The following NAV3 variants were observed in gnomAD, a reference collection of about 807,000 sequenced individuals.
NAV3 encodes neuron navigator 3, also known as pore membrane and/or filament interacting like protein 1.
NAV3 carries 87 observed loss-of-function variants against 244.7 expected under a neutral mutation model. The ratio of observed to expected loss-of-function variants is 0.36; its 90% CI spans 0.30 to 0.42. The LOEUF (loss-of-function observed/expected upper bound fraction) is 0.42. Ranked by LOEUF, NAV3 falls within the 20% of genes least tolerant of loss-of-function variation. NAV3 has a pLI of 1.00. For synonymous variants in NAV3, 1,126 were observed against 1,042.2 expected (o/e 1.08, Z -1.55); for missense variants, 2,663 against 2,893.3 (o/e 0.92, Z 1.83).
At chr12:77,925,251 G>T (rs1888080167) in intron 1 of NAV3, among the ~76,000 whole-genome samples, 2 of 152,048 alleles carry the variant, frequency 1.3e-5, no homozygotes, top group Admixed American at 1.3e-4. Context: ...CATAGGAATA[G>T]GTTTATAAGA....
At chr12:77,959,657 C>A (rs1476050176) in intron 3 of NAV3, among the ~76,000 whole-genome samples, 1 of 151,236 alleles carries the variant, frequency 6.6e-6, no homozygotes, top group African/African-American at 2.4e-5. Context: ...TATTATGGGC[C>A]CCACCATCAT....
chr12:77,929,786 C>A (rs1888593164), intron 1 of NAV3, among the ~76,000 whole-genome samples: 1 of 148,514 alleles, frequency 6.7e-6, no homozygotes, highest in Non-Finnish European at 1.5e-5. Flanking sequence ...GCACCCGCCA[C>A]CACGGCCAGC....
intron 2 of NAV3, among the ~76,000 whole-genome samples, chr12:77,587,231 A>G (rs545064496): frequency 3.9e-5 from 6 of 152,280 alleles, no homozygotes; most frequent in Non-Finnish European, 5.9e-5. Context: ...GCTTTCCATG[A>G]TCTCATGGGG....
intron 2 of NAV3, among the ~76,000 whole-genome samples, chr12:77,626,316 C>T (rs560164678): frequency 1.3e-5 from 2 of 151,582 alleles, no homozygotes; most frequent in African/African-American, 4.8e-5. Context: ...GCCTATGGGA[C>T]ACCATAAAGT....
chr12:77,838,485 A>G (rs1875050122), intron 1 of NAV3, among the ~76,000 whole-genome samples: 1 of 151,938 alleles, frequency 6.6e-6, no homozygotes, highest in African/African-American at 2.4e-5. Context: ...ATTTCATACA[A>G]CTTTTTAATT....
At chr12:77,965,258 ATTTT>A (rs1240979201) in intron 3 of NAV3, among the ~76,000 whole-genome samples, 4 of 152,042 alleles carry the variant, frequency 2.6e-5, no homozygotes, top group Admixed American at 2.6e-4. Context: ...TCAAATTTTT[ATTTT>A]TTTATTTTTT....
At chr12:78,184,427 G>T (rs1454853451) in intron 30 of NAV3, among the ~76,000 whole-genome samples, 3 of 151,738 alleles carry the variant, frequency 2.0e-5, no homozygotes, top group Non-Finnish European at 4.4e-5. Flanking sequence ...TAGGTGAAAA[G>T]GTGAAAGACT....
intron 5 of NAV3, among the ~76,000 whole-genome samples, chr12:77,976,204 A>G (rs1868356177): frequency 6.6e-6 from 1 of 152,224 alleles, no homozygotes; most frequent in South Asian, 2.1e-4. Context: ...TTTGAAATAT[A>G]TATGAGATAT....
At chr12:77,778,906 A>G (rs1235973297) in intron 2 of NAV3, among the ~76,000 whole-genome samples, 1 of 152,234 alleles carries the variant, frequency 6.6e-6, no homozygotes, top group African/African-American at 2.4e-5. Context: ...GATTATTGAG[A>G]TTGAATGTCT....
intron 1 of NAV3, among the ~76,000 whole-genome samples, chr12:77,832,320 G>A (rs1192925678): frequency 6.6e-6 from 1 of 151,990 alleles, no homozygotes; most frequent in Non-Finnish European, 1.5e-5. Context: ...ATGATATTTT[G>A]TGAGTAGTTG....
intron 11 of NAV3, among the ~76,000 whole-genome samples, chr12:78,055,542 T>A (rs1343589595): frequency 6.6e-6 from 1 of 152,208 alleles, no homozygotes; most frequent in African/African-American, 2.4e-5. Flanking sequence ...AAACCCTCGC[T>A]GATGTTTCTG....
intron 20 of NAV3, among the ~76,000 whole-genome samples, chr12:78,142,268 G>C (rs1459037494): frequency 6.6e-6 from 1 of 151,666 alleles, no homozygotes; most frequent in Non-Finnish European, 1.5e-5. Context: ...AGATTTTTTT[G>C]AAAAATTTAT....
In NAV3 at chr12:77,811,081, T is replaced by C. The variant is rs1376902439; in HGVS notation, c.73-129238T>C. Among the ~76,000 whole-genome samples, 14 of 152,348 alleles carry C rather than the reference T, an allele frequency of 9.2e-5. No homozygotes were observed. In the East Asian group the frequency reaches 2.5e-3, roughly 27 times the overall value. On this transcript the variant is annotated intron_variant, in intron 2 of 8. Coordinates refer to the NAV3 transcript ENST00000550042. ...ATGACAAAATAAACACACAGAAGGA[T>C]TGTTAAAACTATAAGAATAAAAGCT...
chr12:77,774,236 C>G (rs914424029), intron 2 of NAV3, among the ~76,000 whole-genome samples: 1 of 152,144 alleles, frequency 6.6e-6, no homozygotes, highest in Admixed American at 6.5e-5. Flanking sequence ...TATACTCTCC[C>G]AAATTAGGAA....
chr12:77,856,247 T>C (rs564895563), intron 1 of NAV3, among the ~76,000 whole-genome samples: 1 of 152,304 alleles, frequency 6.6e-6, no homozygotes, highest in East Asian at 1.9e-4. Context: ...TGGCTGTCTA[T>C]GAAGTAGAGT....
chr12:77,963,156 T>C lies in NAV3; in HGVS notation c.415-3073T>C, dbSNP rs186792619. Among the ~76,000 whole-genome samples, 206 of 152,210 alleles carry C rather than the reference T, an allele frequency of 1.4e-3. 1 individual carries two copies. Among genetic ancestry groups the C allele is most frequent in the Middle Eastern group, 3.4e-3 (1 of 292 alleles). ...TTTTAGAGGTTTTTAGTTAAAAAAATTGACATTAAATATGGAAAAAAGCAA... is the reference window on the plus strand; with the variant it reads ...TTTTAGAGGTTTTTAGTTAAAAAAACTGACATTAAATATGGAAAAAAGCAA... On this transcript the variant is annotated intron_variant, in intron 3 of 39. Coordinates refer to ENST00000397909, the MANE Select transcript of NAV3 (RefSeq NM_001024383.2).
chr12:77,990,706 C>T (rs1360707405), intron 5 of NAV3, among the ~76,000 whole-genome samples: 1 of 152,124 alleles, frequency 6.6e-6, no homozygotes, highest in Admixed American at 6.5e-5. Context: ...CTCATTTTCT[C>T]ATAAAGTTTA....
At chr12:77,768,668 G>T (rs931032146) in intron 2 of NAV3, among the ~76,000 whole-genome samples, 3 of 152,230 alleles carry the variant, frequency 2.0e-5, no homozygotes, top group Non-Finnish European at 4.4e-5. Context: ...TGGGGGCAGG[G>T]GGACTTCTGG....
chr12:77,878,680 AAAC>A (rs944993757), intron 1 of NAV3, among the ~76,000 whole-genome samples: 2 of 151,978 alleles, frequency 1.3e-5, no homozygotes, highest in African/African-American at 4.8e-5. Context: ...AAAAAAAAAA[AAAC>A]AAGGTCTTTT....
Sources: gnomAD v4.1 joint callset for allele counts (sites outside exome capture counted in the v4.1 genomes callset) on GRCh38, gnomAD v4.1.1 for gene constraint, MANE v1.5 for transcripts, NCBI Gene and HGNC (gene_info 2026-07-23, HGNC 2026-07-21) for gene names.